The following IFT74 variants were observed in gnomAD, a reference collection of about 807,000 sequenced individuals.
IFT74 encodes intraflagellar transport 74.
A neutral mutation model predicts 96.7 loss-of-function variants in IFT74; 92 were observed. That is an observed-to-expected ratio of 0.95 (90% CI 0.80 to 1.13). IFT74 has a LOEUF of 1.13. IFT74 is among the 50% of genes most tolerant of loss of function. The probability of loss-of-function intolerance (pLI) is 0.00; values close to 1 mark genes in which losing one functional copy is unlikely to be tolerated. For missense variants in IFT74, 811 were observed against 698.2 expected (o/e 1.16, Z -1.82); for synonymous variants, 223 against 213.2 (o/e 1.05, Z -0.40).
At chr9:26,958,716 G>A (rs1826224204) in intron 1 of IFT74, among the ~76,000 whole-genome samples, 1 of 152,184 alleles carries the variant, frequency 6.6e-6, no homozygotes. Context: ...TCTAAGTGGA[G>A]ATGTTATTAT....
intron 16 of IFT74, among the ~76,000 whole-genome samples, chr9:27,051,312 TGA>T (rs1403602581): frequency 2.0e-5 from 3 of 152,202 alleles, no homozygotes; most frequent in Non-Finnish European, 4.4e-5. Context: ...CCAGATTTGT[TGA>T]GAGTTTGTTT....
chr9:26,976,394 A>C (rs1222300087), intron 2 of IFT74, among the ~76,000 whole-genome samples: 1 of 152,216 alleles, frequency 6.6e-6, no homozygotes, highest in Non-Finnish European at 1.5e-5. Context: ...TCATGAGAGC[A>C]CACTGAAGAA....
intron 16 of IFT74, among the ~76,000 whole-genome samples, chr9:27,048,707 C>G (rs924396818): frequency 6.6e-6 from 1 of 152,232 alleles, no homozygotes; most frequent in South Asian, 2.1e-4. Context: ...AATGTACATG[C>G]TGGTTAGGCC....
intron 4 of IFT74, among the ~76,000 whole-genome samples, chr9:26,982,654 A>G (rs1419442581): frequency 1.3e-5 from 2 of 151,682 alleles, no homozygotes; most frequent in Non-Finnish European, 2.9e-5. Context: ...GAGGTTTCTC[A>G]ATGTTGGTCA....
intron 9 of IFT74, 78 bp from the exon 10 acceptor site, chr9:27,011,828 C>A: frequency 1.2e-6 from 1 of 840,234 alleles, no homozygotes; most frequent in Non-Finnish European, 1.7e-6. Flanking sequence ...AATTTTTTTT[C>A]CCAGCTCCCT....
chr9:27,033,481 C>T (rs868545679), intron 13 of IFT74, among the ~76,000 whole-genome samples: 5 of 151,548 alleles, frequency 3.3e-5, no homozygotes, highest in African/African-American at 1.2e-4. Flanking sequence ...ATTACTTGAA[C>T]CTCGGAAGTC....
At chr9:27,028,964 C>T in intron 12 of IFT74, 61 bp from the exon 13 acceptor site, 1 of 1,415,746 alleles carries the variant, frequency 7.1e-7, no homozygotes, top group East Asian at 2.4e-5. Flanking sequence ...ACCTCCCCAT[C>T]AATTGTTTTT....
intron 2 of IFT74, among the ~76,000 whole-genome samples, chr9:26,977,038 G>A (rs925271792): frequency 7.3e-5 from 11 of 151,714 alleles, no homozygotes; most frequent in African/African-American, 2.2e-4. Flanking sequence ...GCAATAAGGC[G>A]GAAAATACCA....
At chr9:27,057,106 C>T (rs1012941781) in intron 18 of IFT74, among the ~76,000 whole-genome samples, 3 of 151,948 alleles carry the variant, frequency 2.0e-5, no homozygotes, top group Admixed American at 1.3e-4. Context: ...GCATGGATGT[C>T]GCATAATATA....
chr9:27,027,206 G>C (rs1052031677), intron 12 of IFT74, among the ~76,000 whole-genome samples: 2 of 151,902 alleles, frequency 1.3e-5, no homozygotes, highest in Non-Finnish European at 2.9e-5. Context: ...GCACAAACTA[G>C]AAAACTTAGA....
At chr9:27,000,403 G>A (rs974160634) in intron 8 of IFT74, among the ~76,000 whole-genome samples, 1 of 152,010 alleles carries the variant, frequency 6.6e-6, no homozygotes, top group Non-Finnish European at 1.5e-5. Flanking sequence ...TTCAATTTTA[G>A]GCATTATCTA....
chr9:27,032,316 T>G lies in IFT74; in HGVS notation c.1054+3212T>G, dbSNP rs546360754. Among the ~76,000 whole-genome samples, 4 of 152,250 alleles carry G rather than the reference T, an allele frequency of 2.6e-5. No homozygotes were observed. In the East Asian group the frequency reaches 7.7e-4, roughly 29 times the overall value. The stretch of plus-strand genomic sequence containing the variant: ...GGTTTCTACCTTTAAAAATTCTTTT[T>G]GCTATAGTTTTAGTGGGGTTTGCGG... On this transcript the variant is annotated intron_variant, in intron 13 of 19. Coordinates refer to ENST00000380062, the MANE Select transcript of IFT74 (RefSeq NM_025103.4).
intron 8 of IFT74, chr9:26,996,360 G>C (rs1456428862): frequency 1.2e-6 from 2 of 1,607,804 alleles, no homozygotes; most frequent in Non-Finnish European, 8.5e-7. Context: ...TTGAATTGCT[G>C]ATGGGCTGAA....
intron 16 of IFT74, among the ~76,000 whole-genome samples, chr9:27,053,242 G>T (rs978559370): frequency 7.1e-6 from 1 of 140,594 alleles, no homozygotes; most frequent in African/African-American, 2.7e-5. Flanking sequence ...TATTATAATG[G>T]CCCTCCAGAG....
Position 26,947,947 on chromosome 9 carries a change from G to C in IFT74, c.-20+801G>C, listed in dbSNP as rs2131445713. Among the ~76,000 whole-genome samples, 3 of 152,236 alleles carry C rather than the reference G, an allele frequency of 2.0e-5. No homozygotes were observed. In the South Asian group the frequency reaches 6.2e-4, roughly 32 times the overall value. On this transcript the variant is annotated intron_variant, in intron 1 of 19. Transcript: ENST00000433700. Reference sequence around the variant, plus strand: ...TGGTGCTACTTGCTAGTCATTATCAGACCTTATTGAGTGCCAGGGTAAACA... The same window carrying C: ...TGGTGCTACTTGCTAGTCATTATCACACCTTATTGAGTGCCAGGGTAAACA...
upstream of IFT74, among the ~76,000 whole-genome samples, chr9:26,952,129 G>A (rs1825953574): frequency 6.6e-6 from 1 of 151,934 alleles, no homozygotes; most frequent in South Asian, 2.1e-4. Context: ...GAGTTTTTTT[G>A]TTAAACATTT....
In IFT74 at chr9:27,060,624, G is replaced by C; in HGVS notation, c.1657G>C (p.Glu553Gln). ...TNLERKWQHLEQNNFAMKEFI... is the reference protein window; with the variant it reads ...TNLERKWQHLQQNNFAMKEFI... ...TTTGGAGAGAAAGTGGCAACACCTT[G>C]AGCAAAATAATTTTGCGATGAAAGA... is the stretch of plus-strand genomic sequence containing the variant. The change falls in exon 19 of 20, where the codon GAG (glutamate) becomes CAG (glutamine). Residue 553 changes from glutamate (E) to glutamine (Q), a missense_variant. Glu to Gln is a conservative substitution (Grantham distance 29, BLOSUM62 2). Transcript: ENST00000380062. The C allele has an allele frequency of 6.3e-7, 1 of 1,599,402 alleles. No homozygotes were observed.
At chr9:26,957,046 C>T (rs921358919) in intron 1 of IFT74, among the ~76,000 whole-genome samples, 32 of 152,332 alleles carry the variant, frequency 2.1e-4, no homozygotes, top group African/African-American at 7.2e-4. Context: ...ATTAAGGTGG[C>T]AAGATTATGC....
At chr9:26,996,514 A>G (rs774514338) in intron 8 of IFT74, 2 of 1,409,402 alleles carry the variant, frequency 1.4e-6, no homozygotes, top group Non-Finnish European at 9.4e-7. Flanking sequence ...TAAATCAGAA[A>G]GAATAAGATT....
Sources: gnomAD v4.1 joint callset for allele counts (sites outside exome capture counted in the v4.1 genomes callset) on GRCh38, gnomAD v4.1.1 for gene constraint, MANE v1.5 for transcripts, NCBI Gene and HGNC (gene_info 2026-07-23, HGNC 2026-07-21) for gene names.